RPS18: variants seen among roughly 807,000 people sequenced by gnomAD.
RPS18 encodes the protein ribosomal protein S18.
For synonymous variants in RPS18, 64 were observed against 70.9 expected (o/e 0.90, Z 0.49); for missense variants, 49 against 200.8 (o/e 0.24, Z 4.57).
Position 33,272,131 on chromosome 6 carries a change from G to A in RPS18, c.3+9G>A, listed in dbSNP as rs1765224695. 3 of 1,564,820 alleles carry A rather than the reference G, an allele frequency of 1.9e-6. No homozygotes were observed. The African/African-American group carries it at 4.1e-5, about 21-fold the overall frequency. On this transcript the variant is annotated intron_variant, in intron 1 of 5. Transcript: ENST00000439602. ...CTTGTGCTGCAGCCATGGTAAGACT[G>A]GAATCCGTGCCGTGATCCAGCGGCA...
Position 33,272,586 on chromosome 6 carries a change from G to C in RPS18, c.4-42G>C, listed in dbSNP as rs145497000. On this transcript the variant is annotated intron_variant, in intron 1 of 5. Coordinates refer to ENST00000439602, the MANE Select transcript of RPS18 (RefSeq NM_022551.3). ...GCCTTATCGGCCTTACTGTTTGATAGTTTACTGTGTCTGATTTCTTCCCCC... is the reference window on the plus strand; with the variant it reads ...GCCTTATCGGCCTTACTGTTTGATACTTTACTGTGTCTGATTTCTTCCCCC... The C allele has an allele frequency of 6.7e-4, 599 of 889,972 alleles. 1 individual carries two copies. The African/African-American group carries it at 7.7e-3, about 12-fold the overall frequency. 55.1% of individuals were successfully genotyped at this position (889,972 alleles called of 1,614,324 possible). A position where few individuals can be genotyped will look rare whatever the true frequency, so the allele number is the denominator to read the frequency against.
intron 2 of RPS18, among the ~76,000 whole-genome samples, chr6:33,273,444 C>T: frequency 6.6e-6 from 1 of 151,906 alleles, no homozygotes; most frequent in African/African-American, 2.4e-5. Context: ...CAGTATGTGT[C>T]CATGCGTGCA....
intron 2 of RPS18, among the ~76,000 whole-genome samples, chr6:33,274,008 A>G (rs1314329227): frequency 6.6e-6 from 1 of 152,166 alleles, no homozygotes; most frequent in African/African-American, 2.4e-5. Context: ...CCCAGGCCGG[A>G]GTGCAATGGT....
intron 2 of RPS18, 111 bp downstream of exon 2, chr6:33,272,837 G>A: frequency 1.4e-6 from 1 of 730,386 alleles, no homozygotes; most frequent in Non-Finnish European, 2.6e-6. Flanking sequence ...AGATCACCTT[G>A]ACTGCTGGAT....
intron 4 of RPS18, 29 bp downstream of exon 4, chr6:33,276,095 A>G (rs1248949238): frequency 6.2e-7 from 1 of 1,607,954 alleles, no homozygotes; most frequent in Non-Finnish European, 8.5e-7. Flanking sequence ...GCAGGATTAG[A>G]GGAAGGGTGG....
intron 2 of RPS18, among the ~76,000 whole-genome samples, chr6:33,274,721 C>A (rs191470917): frequency 1.3e-5 from 2 of 152,020 alleles, no homozygotes; most frequent in African/African-American, 4.8e-5. Flanking sequence ...GTGTCTCTCT[C>A]ATGATTTGTC....
intron 2 of RPS18, chr6:33,275,450 G>T: frequency 3.6e-6 from 1 of 277,714 alleles, no homozygotes. Context: ...CAAGTAGCTG[G>T]GATTACAGGC....
Position 33,275,958 on chromosome 6 carries a change from C to T in RPS18, c.190-7C>T. 1 of 1,613,490 alleles carries T rather than the reference C, an allele frequency of 6.2e-7. No homozygotes were observed. Among genetic ancestry groups the T allele is most frequent in the Non-Finnish European group, 8.5e-7 (1 of 1,179,454 alleles). On this transcript the variant is annotated splice_region_variant and splice_polypyrimidine_tract_variant and intron_variant, in intron 3 of 5. Coordinates refer to ENST00000439602, the MANE Select transcript of RPS18 (RefSeq NM_022551.3). The stretch of plus-strand genomic sequence containing the variant: ...CCATCTAGATCTGACCTTGGTCTGC[C>T]TGCCAGGTGGAACGTGTGATCACCA...
Position 33,276,467 on chromosome 6 carries a change from GTC to G in RPS18, c.*3_*4del, listed in dbSNP as rs1460544489. ...CGTGGGTGTGTCCAAGAAGAAATAA[GTC>G]TGTAGGCCTTGTCTGTTAATAAATA... is the stretch of plus-strand genomic sequence containing the variant. On this transcript the variant is annotated 3_prime_UTR_variant, in exon 6 of 6. Coordinates refer to ENST00000439602, the MANE Select transcript of RPS18 (RefSeq NM_022551.3). 23 of 1,603,858 alleles carry G rather than the reference GTC, an allele frequency of 1.4e-5. No homozygotes were observed. Among genetic ancestry groups the G allele is most frequent in the Non-Finnish European group, 2.6e-6 (3 of 1,171,788 alleles).
At position 33,274,787 on chromosome 6, in the gene RPS18, C is replaced by A. The variant is rs138278629; in HGVS notation, c.103-1010C>A. On this transcript the variant is annotated intron_variant, in intron 2 of 5. Transcript: ENST00000439602. ...TAACGTCATTTTACCTAATTATTTC[C>A]GTAACGACCTTATTTCCAAATAGGG... Among the ~76,000 whole-genome samples the A allele has an allele frequency of 4.8e-4, 73 of 152,192 alleles. 4 individuals carry two copies. In the East Asian group the frequency reaches 5.0e-3, roughly 10 times the overall value.
rs1292519746 is a variant in RPS18, at chr6:33,272,133, A to G, written c.3+11A>G. The G allele has an allele frequency of 1.2e-5, 18 of 1,564,228 alleles. No individual in the cohort carries two copies. Among genetic ancestry groups the G allele is most frequent in the Non-Finnish European group, 1.6e-5 (18 of 1,154,284 alleles). ...TGTGCTGCAGCCATGGTAAGACTGG[A>G]ATCCGTGCCGTGATCCAGCGGCATC... On this transcript the variant is annotated intron_variant, in intron 1 of 5. Coordinates refer to ENST00000439602, the MANE Select transcript of RPS18 (RefSeq NM_022551.3).
chr6:33,274,587 T>C (rs1463167296), intron 2 of RPS18, among the ~76,000 whole-genome samples: 1 of 152,244 alleles, frequency 6.6e-6, no homozygotes, highest in Non-Finnish European at 1.5e-5. Flanking sequence ...CTCTTGGCGC[T>C]GGAGGCACTT....
At chr6:33,272,455 C>A in intron 1 of RPS18, 173 bp from the exon 2 acceptor site, 1 of 659,596 alleles carries the variant, frequency 1.5e-6, no homozygotes. Flanking sequence ...TGTGCCTACT[C>A]TGCAGGACTG....
Position 33,276,280 on chromosome 6 carries a change from T to C in RPS18, c.383+13T>C, listed in dbSNP as rs766612494. On this transcript the variant is annotated intron_variant, in intron 5 of 5. Transcript: ENST00000439602. Reference sequence around the variant, plus strand: ...GTCACTTCTGGGGGTGAGTGGGGGGTCTCATCTCCCTGCCTACCTCGACTC... The same window carrying C: ...GTCACTTCTGGGGGTGAGTGGGGGGCCTCATCTCCCTGCCTACCTCGACTC... 1.9e-6 allele frequency: 3 copies of C among 1,609,860 alleles called. No homozygotes were observed. Among genetic ancestry groups the C allele is most frequent in the Non-Finnish European group, 2.5e-6 (3 of 1,177,220 alleles).
chr6:33,274,083 A>G (rs1765475274), intron 2 of RPS18, among the ~76,000 whole-genome samples: 2 of 152,130 alleles, frequency 1.3e-5, no homozygotes, highest in Admixed American at 1.3e-4. Flanking sequence ...ACGCCCAGCT[A>G]ATTTTTGTAT....
chr6:33,272,472 TTGCTC>T, intron 1 of RPS18, 151 bp from the exon 2 acceptor site: 3 of 688,536 alleles, frequency 4.4e-6, no homozygotes, highest in Non-Finnish European at 8.0e-6. Flanking sequence ...ACTGAGGAGT[TTGCTC>T]TGTGGTGTGA....
intron 2 of RPS18, among the ~76,000 whole-genome samples, chr6:33,273,771 C>T (rs776384486): frequency 2.6e-4 from 39 of 152,150 alleles, no homozygotes; most frequent in Non-Finnish European, 5.3e-4. Flanking sequence ...AATCTTTTCA[C>T]TTGTAAACAT....
At chr6:33,274,532 C>T (rs911206719) in intron 2 of RPS18, among the ~76,000 whole-genome samples, 5 of 152,214 alleles carry the variant, frequency 3.3e-5, no homozygotes, top group African/African-American at 9.6e-5. Context: ...TTTTAGTTTC[C>T]TGGAGCCTAC....
chr6:33,272,090 G>A lies in RPS18; in HGVS notation c.-30G>A, dbSNP rs1282330048. 8.9e-6 allele frequency: 14 copies of A among 1,565,064 alleles called. No individual in the cohort carries two copies. The highest frequency in any genetic ancestry group is 1.2e-5 in the Non-Finnish European group (14 of 1,154,736). On this transcript the variant is annotated 5_prime_UTR_variant, in exon 1 of 6. Transcript: ENST00000439602. ...CACTTCCGCTCTCTCTTCCACAGGA[G>A]GCCTACACGCCGCCGCTTGTGCTGC...
Sources: gnomAD v4.1 joint callset for allele counts (sites outside exome capture counted in the v4.1 genomes callset) on GRCh38, gnomAD v4.1.1 for gene constraint, MANE v1.5 for transcripts, NCBI Gene and HGNC (gene_info 2026-07-23, HGNC 2026-07-21) for gene names.